The following ADD2 variants were observed in gnomAD, a reference collection of about 807,000 sequenced individuals.
ADD2 encodes adducin 2.
Under a neutral mutation model 83.0 loss-of-function variants are expected in ADD2, and 23 were observed. The observed-to-expected ratio is 0.28, with a 90% CI of 0.20 to 0.39. The LOEUF (loss-of-function observed/expected upper bound fraction) is 0.39, where lower values mean the gene tolerates loss of function less well. Among genes scored for constraint, ADD2 ranks in the 10% least tolerant of loss-of-function variants. The pLI is 1.00. For missense variants in ADD2, 758 were observed against 944.9 expected, an observed-to-expected ratio of 0.80 and a Z score of 2.59; for synonymous variants, 375 against 375.4, an observed-to-expected ratio of 1.00 and a Z score of 0.01.
intron 1 of ADD2, among the ~76,000 whole-genome samples, chr2:70,761,640 A>G (rs1675103092): frequency 6.7e-6 from 1 of 150,312 alleles, no homozygotes. Flanking sequence ...AGTATACTAA[A>G]TCTCTCATTA....
intron 1 of ADD2, among the ~76,000 whole-genome samples, chr2:70,757,773 A>T (rs1339548792): frequency 2.0e-5 from 3 of 152,232 alleles, no homozygotes; most frequent in African/African-American, 7.2e-5. Flanking sequence ...GAGTAAAGAA[A>T]GCAAACATGA....
At chr2:70,713,733 T>G (rs1244473882) in intron 1 of ADD2, among the ~76,000 whole-genome samples, 1 of 152,102 alleles carries the variant, frequency 6.6e-6, no homozygotes, top group African/African-American at 2.4e-5. Context: ...GGGAAAGCGG[T>G]TGCCCTGGCC....
intron 1 of ADD2, among the ~76,000 whole-genome samples, chr2:70,726,626 G>A (rs1673015862): frequency 6.6e-6 from 1 of 152,212 alleles, no homozygotes; most frequent in Non-Finnish European, 1.5e-5. Context: ...CAATGAACTT[G>A]ATGGAAATGT....
chr2:70,675,167 G>A (rs1214005193), intron 13 of ADD2: 17 of 1,027,398 alleles, frequency 1.7e-5, no homozygotes, highest in Non-Finnish European at 2.0e-5. Context: ...ACAGTTGGTG[G>A]CCCAAAGCCA....
intron 1 of ADD2, among the ~76,000 whole-genome samples, chr2:70,719,144 C>T (rs1320882202): frequency 6.6e-6 from 1 of 152,172 alleles, no homozygotes; most frequent in Non-Finnish European, 1.5e-5. Context: ...AGGTGGGCTG[C>T]AGTGGTGACA....
In ADD2 at chr2:70,734,206, A is replaced by G. The variant is rs1004433737; in HGVS notation, c.-153-21022T>C. ...AGACACATGGGGGAAAAATGAGTTT[A>G]TCTACATAGAAAAGGAAAGGACAAT... is the stretch of plus-strand genomic sequence containing the variant. On this transcript the variant is annotated intron_variant, in intron 1 of 15. Coordinates refer to ENST00000264436, the MANE Select transcript of ADD2 (RefSeq NM_001617.4). Among the ~76,000 whole-genome samples, 3 of 152,190 alleles carry G rather than the reference A, an allele frequency of 2.0e-5. 1 individual carries two copies. Among genetic ancestry groups the G allele is most frequent in the Non-Finnish European group, 4.4e-5 (3 of 68,034 alleles).
intron 9 of ADD2, among the ~76,000 whole-genome samples, chr2:70,686,912 G>A (rs1483776592): frequency 2.0e-5 from 3 of 152,130 alleles, no homozygotes; most frequent in East Asian, 1.9e-4. Context: ...CTCCACCAGC[G>A]ACACTTCCAG....
Position 70,663,306 on chromosome 2 carries a change from C to T in ADD2, c.*119G>A, listed in dbSNP as rs898310033. 25 of 1,174,084 alleles carry T rather than the reference C, an allele frequency of 2.1e-5. No homozygotes were observed. The highest frequency in any genetic ancestry group is 4.6e-5 in the South Asian group (3 of 65,338). 72.7% of individuals were successfully genotyped at this position (1,174,084 alleles called of 1,614,324 possible). A position where few individuals can be genotyped will look rare whatever the true frequency, so the allele number is the denominator to read the frequency against. ...TCGGGTGATCTCTAAGTTCCCCTTC[C>T]GAATGTGGTCCAGGGTCCTACTCTA... On this transcript the variant is annotated 3_prime_UTR_variant, in exon 16 of 16. Transcript: ENST00000264436.
At chr2:70,672,695 G>A (rs1159660993) in intron 15 of ADD2, among the ~76,000 whole-genome samples, 183 bp downstream of exon 15, 4 of 152,230 alleles carry the variant, frequency 2.6e-5, no homozygotes, top group Non-Finnish European at 5.9e-5. Context: ...AAGCTGCAAG[G>A]TGTAGTGTTA....
At chr2:70,687,686 A>T (rs1391811238) in intron 9 of ADD2, among the ~76,000 whole-genome samples, 1 of 152,212 alleles carries the variant, frequency 6.6e-6, no homozygotes, top group Non-Finnish European at 1.5e-5. Flanking sequence ...CCCACGTAAC[A>T]TATGAGCATG....
Position 70,676,725 on chromosome 2 carries a change from C to T in ADD2, c.1593+71G>A, listed in dbSNP as rs539767646. On this transcript the variant is annotated intron_variant, in intron 13 of 15. Transcript: ENST00000264436. This position sits in a 1 kb window ranked among gnomAD's most constrained non-coding sequence, Gnocchi z 4.8. Reference sequence around the variant, plus strand: ...TATGAGGACTCAGGGGTCCTGCAACCCAGCCCCAGGCACAGAAGACCCCGA... The same window carrying T: ...TATGAGGACTCAGGGGTCCTGCAACTCAGCCCCAGGCACAGAAGACCCCGA... The T allele has an allele frequency of 6.2e-7, 1 of 1,603,892 alleles. No individual in the cohort carries two copies. Among genetic ancestry groups the T allele is most frequent in the Admixed American group, 1.7e-5 (1 of 58,498 alleles).
chr2:70,721,139 T>C (rs1672708247), intron 1 of ADD2, among the ~76,000 whole-genome samples: 1 of 152,228 alleles, frequency 6.6e-6, no homozygotes, highest in African/African-American at 2.4e-5. Flanking sequence ...CAGTTATCTA[T>C]ATGTTGGATC....
chr2:70,724,613 C>T (rs1553377904), intron 1 of ADD2, among the ~76,000 whole-genome samples: 1 of 152,194 alleles, frequency 6.6e-6, no homozygotes, highest in African/African-American at 2.4e-5. Context: ...TGGCTCTAGG[C>T]CCCCCTGCCA....
chr2:70,695,878 C>T, intron 5 of ADD2, 77 bp from the exon 6 acceptor site: 2 of 1,290,084 alleles, frequency 1.6e-6, no homozygotes, highest in Non-Finnish European at 2.2e-6. Context: ...TGAATCCCCT[C>T]TTCCCCTGAA....
At chr2:70,723,882 C>G (rs1388156355) in intron 1 of ADD2, among the ~76,000 whole-genome samples, 2 of 152,150 alleles carry the variant, frequency 1.3e-5, no homozygotes, top group Non-Finnish European at 2.9e-5. Flanking sequence ...GGCCAAAAAC[C>G]ATGAACGGTA....
chr2:70,704,284 C>CCCCCCAAAA, intron 4 of ADD2, 37 bp downstream of exon 4: 2 of 1,560,602 alleles, frequency 1.3e-6, no homozygotes, highest in East Asian at 2.4e-5. Context: ...CCCTCCCCTC[C>CCCCCCAAAA]ACCTCTGCTC....
In ADD2 at chr2:70,690,685, CT is replaced by C. The variant is rs1341144240; in HGVS notation, c.849+100del. 2.8e-5 allele frequency: 39 copies of C among 1,368,870 alleles called. No individual in the cohort carries two copies. In the African/African-American group the frequency reaches 3.2e-4, roughly 11 times the overall value. 84.8% of individuals were successfully genotyped at this position (1,368,870 alleles called of 1,614,324 possible). Reference sequence around the variant, plus strand: ...TAGAGATCTTTCTTTTTTTTCCCCCCTCTCTCCCTCCCTTATTGTCCAATGA... The same window carrying C: ...TAGAGATCTTTCTTTTTTTTCCCCCCCTCTCCCTCCCTTATTGTCCAATGA... On this transcript the variant is annotated intron_variant, in intron 8 of 15. Transcript: ENST00000264436.
chr2:70,678,009 CTTCTT>C (rs1173080371), intron 11 of ADD2, 132 bp from the exon 12 acceptor site: 1 of 1,185,340 alleles, frequency 8.4e-7, no homozygotes, highest in African/African-American at 1.5e-5. Flanking sequence ...GACACTCTCT[CTTCTT>C]AGGCCTCTTT....
intron 9 of ADD2, among the ~76,000 whole-genome samples, chr2:70,685,092 CATT>C: frequency 6.6e-6 from 1 of 152,264 alleles, no homozygotes. Context: ...CTGCACTGCA[CATT>C]ATTATATTAG....
Sources: gnomAD v4.1 joint callset for allele counts (sites outside exome capture counted in the v4.1 genomes callset) on GRCh38, gnomAD v4.1.1 for gene constraint, Gnocchi (gnomAD v3.1) non-coding constraint, MANE v1.5 for transcripts, NCBI Gene and HGNC (gene_info 2026-07-23, HGNC 2026-07-21) for gene names.